PACRG: variants seen among roughly 807,000 people sequenced by gnomAD.
The protein encoded by PACRG is parkin coregulated, also known as parkin coregulated gene protein.
In PACRG, 29 loss-of-function variants were observed where a neutral mutation model predicts 29.7. That is an observed-to-expected ratio of 0.98 (90% CI 0.73 to 1.33). PACRG has a LOEUF of 1.33. Among genes scored for constraint, PACRG ranks in the 40% most tolerant of loss-of-function variants. The pLI is 0.00. For missense variants in PACRG, 279 were observed against 316.2 expected (o/e 0.88, Z 0.89); for synonymous variants, 116 against 118.7 (o/e 0.98, Z 0.15).
intron 1 of PACRG, among the ~76,000 whole-genome samples, chr6:162,799,357 T>C (rs1477865332): frequency 6.6e-6 from 1 of 152,226 alleles, no homozygotes; most frequent in Non-Finnish European, 1.5e-5. Context: ...TCTTAATATT[T>C]CTTTCATGGT....
intron 4 of PACRG, among the ~76,000 whole-genome samples, chr6:163,092,880 G>C (rs763571875): frequency 6.6e-6 from 1 of 152,110 alleles, no homozygotes; most frequent in Admixed American, 6.5e-5. Context: ...AACACAACCA[G>C]GCAACTGAAA....
At position 162,777,349 on chromosome 6, in the gene PACRG, A is replaced by G. The variant is rs536146813; in HGVS notation, c.157-36798A>G. Among the ~76,000 whole-genome samples, 494 of 152,290 alleles carry G rather than the reference A, an allele frequency of 3.2e-3. 2 individuals are homozygous for G. Among genetic ancestry groups the G allele is most frequent in the African/African-American group, 0.011 (466 of 41,566 alleles). On this transcript the variant is annotated intron_variant, in intron 1 of 4. Transcript: ENST00000366888. The surrounding 1 kb of genome is among the most constrained non-coding windows in gnomAD (Gnocchi z 4.0). ...GAGTGGCTTGGCATTTGGCTGATGT[A>G]GGCCATGTGGGCACACACTCAGCTT...
At chr6:162,926,002 C>T (rs537107752) in intron 2 of PACRG, among the ~76,000 whole-genome samples, 4 of 152,166 alleles carry the variant, frequency 2.6e-5, no homozygotes, top group African/African-American at 9.6e-5. Context: ...AATTTCTATA[C>T]ACCAACAGTA....
chr6:162,753,423 A>G (rs1562563210), intron 1 of PACRG, among the ~76,000 whole-genome samples: 1 of 152,188 alleles, frequency 6.6e-6, no homozygotes, highest in African/African-American at 2.4e-5. Context: ...GTTGTTGCAA[A>G]TGACAGCATT....
At chr6:163,041,425 T>A (rs1304494038) in intron 2 of PACRG, among the ~76,000 whole-genome samples, 1 of 152,182 alleles carries the variant, frequency 6.6e-6, no homozygotes, top group African/African-American at 2.4e-5. Context: ...GTTTCTCCCA[T>A]GCTGTTCTCA....
At chr6:163,137,189 T>C (rs1391229101) in intron 4 of PACRG, among the ~76,000 whole-genome samples, 1 of 152,196 alleles carries the variant, frequency 6.6e-6, no homozygotes, top group East Asian at 1.9e-4. Flanking sequence ...TAATGAACTC[T>C]GTTTTATGGA....
chr6:162,935,826 T>G (rs1157184832), intron 2 of PACRG, among the ~76,000 whole-genome samples: 1 of 152,224 alleles, frequency 6.6e-6, no homozygotes, highest in East Asian at 1.9e-4. Context: ...TAGTATAACT[T>G]AATGTTTGTT....
intron 1 of PACRG, among the ~76,000 whole-genome samples, chr6:162,755,786 G>A (rs540858756): frequency 3.3e-5 from 5 of 152,026 alleles, no homozygotes; most frequent in Admixed American, 3.3e-4. Context: ...TTTCCCTTTC[G>A]GGACTGCTTT....
intron 4 of PACRG, among the ~76,000 whole-genome samples, chr6:163,308,994 G>A (rs968107075): frequency 6.6e-6 from 1 of 152,018 alleles, no homozygotes; most frequent in Non-Finnish European, 1.5e-5. Context: ...GCCTTTTCTG[G>A]TCCAGAAAGA....
chr6:163,262,906 C>T (rs1783384815), intron 4 of PACRG, among the ~76,000 whole-genome samples: 1 of 146,382 alleles, frequency 6.8e-6, no homozygotes, highest in Non-Finnish European at 1.5e-5. Flanking sequence ...AAAAATTAGC[C>T]CAGTGTGGTG....
chr6:163,068,672 T>A (rs1811768882), intron 3 of PACRG, among the ~76,000 whole-genome samples: 1 of 152,144 alleles, frequency 6.6e-6, no homozygotes, highest in South Asian at 2.1e-4. Context: ...TATCTTTTTG[T>A]TCATTTTTTC....
intron 4 of PACRG, chr6:163,179,372 A>T: frequency 1.6e-5 from 5 of 304,234 alleles, no homozygotes; most frequent in Non-Finnish European, 3.3e-5. Context: ...GCTTCAACCT[A>T]CTCATTTGGT....
intron 2 of PACRG, among the ~76,000 whole-genome samples, chr6:163,004,932 GTCT>G (rs1027366441): frequency 7.9e-5 from 12 of 151,922 alleles, no homozygotes; most frequent in African/African-American, 2.9e-4. Context: ...CTTTATTTCA[GTCT>G]TCTTATTTTA....
At chr6:163,000,668 C>T (rs897336294) in intron 2 of PACRG, among the ~76,000 whole-genome samples, 3 of 152,116 alleles carry the variant, frequency 2.0e-5, no homozygotes, top group African/African-American at 7.2e-5. Context: ...ACACACATGG[C>T]CCAGCAGGAA....
At chr6:162,995,031 G>T (rs1256405379) in intron 2 of PACRG, among the ~76,000 whole-genome samples, 1 of 151,086 alleles carries the variant, frequency 6.6e-6, no homozygotes, top group African/African-American at 2.5e-5. Context: ...CTGCTGGGGG[G>T]TGCCTCCCAG....
chr6:163,308,643 A>G (rs74423106), intron 4 of PACRG, among the ~76,000 whole-genome samples: 11,859 of 149,260 alleles, frequency 0.079, 524 homozygotes, highest in Non-Finnish European at 0.098. Flanking sequence ...TTCAGCTTGG[A>G]CCACAGAGTG....
intron 2 of PACRG, among the ~76,000 whole-genome samples, chr6:162,947,619 T>TATATATATATATATAATC (rs1799304305): frequency 2.1e-5 from 1 of 47,306 alleles, no homozygotes; most frequent in African/African-American, 8.0e-5. Context: ...ATCATATATA[T>TATATATATATATATAATC]ATATATATAT....
intron 4 of PACRG, among the ~76,000 whole-genome samples, chr6:163,167,882 TAGAC>T (rs1027478191): frequency 1.8e-4 from 27 of 152,370 alleles, no homozygotes; most frequent in African/African-American, 5.3e-4. Flanking sequence ...TGTAAACTAT[TAGAC>T]AGCACACAAA....
chr6:163,181,604 C>CAAAAAAAAAAAA (rs544633309), intron 4 of PACRG, among the ~76,000 whole-genome samples: 1 of 65,102 alleles, frequency 1.5e-5, no homozygotes. Context: ...CTTGAGGTGG[C>CAAAAAAAAAAAA]AAAAAAAAAA....
Sources: allele counts gnomAD v4.1 joint callset (sites outside exome capture counted in the v4.1 genomes callset), GRCh38; gene constraint gnomAD v4.1.1; non-coding constraint Gnocchi (gnomAD v3.1); transcripts MANE v1.5; gene names NCBI Gene and HGNC (gene_info 2026-07-23, HGNC 2026-07-21).